The following ASCC3 variants were observed in gnomAD, a reference collection of about 807,000 sequenced individuals.
The protein encoded by ASCC3 is ASC-1 complex subunit P200.
A neutral mutation model predicts 256.3 loss-of-function variants in ASCC3; 158 were observed. The ratio of observed to expected loss-of-function variants is 0.62; its 90% CI spans 0.54 to 0.70. The LOEUF (loss-of-function observed/expected upper bound fraction) is 0.70. Ranked by LOEUF, ASCC3 falls within the 30% of genes least tolerant of loss-of-function variation. ASCC3 has a pLI of 0.00. For synonymous variants in ASCC3, 948 were observed against 883.4 expected (o/e 1.07, Z -1.30); for missense variants, 2,259 against 2,626.0 (o/e 0.86, Z 3.05).
intron 10 of ASCC3, among the ~76,000 whole-genome samples, chr6:100,751,512 C>G (rs998763331): frequency 6.6e-6 from 1 of 151,808 alleles, no homozygotes; most frequent in African/African-American, 2.4e-5. Flanking sequence ...AATATAAATG[C>G]ATTTTCCTAT....
intron 16 of ASCC3, 45 bp from the exon 17 acceptor site, chr6:100,655,863 C>A: frequency 6.3e-7 from 1 of 1,599,474 alleles, no homozygotes; most frequent in Non-Finnish European, 8.5e-7. Flanking sequence ...TAAAGTTGAA[C>A]ATAAACATTA....
At chr6:100,789,091 G>T (rs58406648) in intron 8 of ASCC3, among the ~76,000 whole-genome samples, 9,498 of 151,588 alleles carry the variant, frequency 0.063, 667 homozygotes, top group East Asian at 0.3. Context: ...CAAAATGAGG[G>T]GAGGAAAGGA....
intron 11 of ASCC3, among the ~76,000 whole-genome samples, chr6:100,721,388 G>T (rs962799014): frequency 1.3e-5 from 2 of 151,674 alleles, no homozygotes; most frequent in Non-Finnish European, 1.5e-5. Flanking sequence ...TAAGTATCAG[G>T]ACATAAAATC....
chr6:100,708,760 T>G (rs1470224281), intron 13 of ASCC3, among the ~76,000 whole-genome samples: 1 of 152,114 alleles, frequency 6.6e-6, no homozygotes, highest in Non-Finnish European at 1.5e-5. Context: ...CTAGGATATA[T>G]ATGTTAATCA....
At chr6:100,514,532 T>A (rs1225853226) in intron 39 of ASCC3, among the ~76,000 whole-genome samples, 1 of 152,084 alleles carries the variant, frequency 6.6e-6, no homozygotes, top group African/African-American at 2.4e-5. Context: ...ATATCTGGCT[T>A]TTATATATAT....
chr6:100,775,238 A>G (rs991058459), intron 8 of ASCC3, among the ~76,000 whole-genome samples: 1 of 152,214 alleles, frequency 6.6e-6, no homozygotes, highest in African/African-American at 2.4e-5. Context: ...TATAATTTAA[A>G]AAGTCTAAAA....
chr6:100,798,650 T>C (rs1769751507), intron 8 of ASCC3, 63 bp downstream of exon 8: 1 of 1,604,452 alleles, frequency 6.2e-7, no homozygotes, highest in African/African-American at 1.3e-5. Flanking sequence ...TTTTCCAGTA[T>C]AAATTCATTC....
At chr6:100,778,480 T>C (rs981722974) in intron 8 of ASCC3, among the ~76,000 whole-genome samples, 2 of 152,152 alleles carry the variant, frequency 1.3e-5, no homozygotes, top group African/African-American at 4.8e-5. Flanking sequence ...TAAGGTTTTA[T>C]ATAATAATAC....
At chr6:100,560,140 G>T (rs189538988) in intron 36 of ASCC3, among the ~76,000 whole-genome samples, 1 of 152,220 alleles carries the variant, frequency 6.6e-6, no homozygotes, top group African/African-American at 2.4e-5. Flanking sequence ...CTTAGTGTCT[G>T]TTTAGGCAGA....
At chr6:100,573,299 A>T (rs897273726) in intron 36 of ASCC3, among the ~76,000 whole-genome samples, 1 of 152,100 alleles carries the variant, frequency 6.6e-6, no homozygotes, top group Non-Finnish European at 1.5e-5. Context: ...GACATCTGGG[A>T]CATGAATCAT....
At chr6:100,770,842 C>CT (rs34601702) in intron 8 of ASCC3, among the ~76,000 whole-genome samples, 2,129 of 141,862 alleles carry the variant, frequency 0.015, 21 homozygotes, top group East Asian at 0.047. Context: ...CTTAAGATGT[C>CT]TTTTTTTTTT....
chr6:100,665,073 GAAGT>G (rs1389485065), intron 14 of ASCC3, among the ~76,000 whole-genome samples: 1 of 152,162 alleles, frequency 6.6e-6, no homozygotes, highest in African/African-American at 2.4e-5. Context: ...TTAAACAAGG[GAAGT>G]ATGTATCTGT....
chr6:100,781,460 T>C (rs192023560), intron 8 of ASCC3, among the ~76,000 whole-genome samples: 176 of 152,150 alleles, frequency 1.2e-3, no homozygotes, highest in Non-Finnish European at 2.2e-3. Flanking sequence ...CTTGGCTCAC[T>C]GCGCCCTCCG....
intron 8 of ASCC3, among the ~76,000 whole-genome samples, chr6:100,769,917 T>C (rs1173827546): frequency 6.6e-6 from 1 of 151,784 alleles, no homozygotes; most frequent in Non-Finnish European, 1.5e-5. Context: ...CTTAACCCAA[T>C]ATCTAGTAAA....
At chr6:100,678,574 A>C (rs1777140759) in intron 14 of ASCC3, among the ~76,000 whole-genome samples, 1 of 152,058 alleles carries the variant, frequency 6.6e-6, no homozygotes, top group African/African-American at 2.4e-5. Context: ...TAGGATAATA[A>C]ATATAAAAGG....
intron 30 of ASCC3, among the ~76,000 whole-genome samples, chr6:100,616,998 T>C (rs374308382): frequency 3.2e-4 from 48 of 148,474 alleles, no homozygotes; most frequent in Middle Eastern, 3.4e-3. Context: ...TTGTCGTTGT[T>C]GTTGTTGTTG....
At chr6:100,591,776 A>C (rs1156714665) in intron 34 of ASCC3, among the ~76,000 whole-genome samples, 1 of 151,992 alleles carries the variant, frequency 6.6e-6, no homozygotes, top group East Asian at 1.9e-4. Context: ...TCGTTTGAAA[A>C]CTAATGGATC....
intron 33 of ASCC3, among the ~76,000 whole-genome samples, chr6:100,603,112 G>T (rs1050349858): frequency 5.3e-5 from 8 of 151,938 alleles, no homozygotes; most frequent in African/African-American, 1.9e-4. Context: ...ATCTTTCACT[G>T]CAACGTTATA....
intron 37 of ASCC3, among the ~76,000 whole-genome samples, chr6:100,534,678 G>A (rs1399618194): frequency 6.6e-6 from 1 of 152,120 alleles, no homozygotes; most frequent in Non-Finnish European, 1.5e-5. Context: ...GCTAGTAACA[G>A]TAACATATTG....
Sources: allele counts gnomAD v4.1 joint callset (sites outside exome capture counted in the v4.1 genomes callset), GRCh38; gene constraint gnomAD v4.1.1; transcripts MANE v1.5; gene names NCBI Gene and HGNC (gene_info 2026-07-23, HGNC 2026-07-21).